RAPGEF1: variants seen among roughly 807,000 people sequenced by gnomAD.
RAPGEF1 encodes Rap guanine nucleotide exchange factor 1, also known as CRK SH3-binding GNRP.
RAPGEF1 carries 33 observed loss-of-function variants against 143.3 expected under a neutral mutation model. The observed-to-expected ratio is 0.23, with a 90% CI of 0.17 to 0.31. The LOEUF is 0.31. Ranked by LOEUF, RAPGEF1 falls within the 10% of genes least tolerant of loss-of-function variation. The pLI, the probability that RAPGEF1 is intolerant of heterozygous loss-of-function variation, is 1.00. For missense variants in RAPGEF1, 1,199 were observed against 1,645.4 expected, an observed-to-expected ratio of 0.73 and a Z score of 4.69; for synonymous variants, 629 against 676.5, an observed-to-expected ratio of 0.93 and a Z score of 1.09.
intron 11 of RAPGEF1, 28 bp from the exon 12 acceptor site, chr9:131,619,234 G>GGCAGGGAAGGAGGGAGAGAA: frequency 2.3e-6 from 3 of 1,293,524 alleles, no homozygotes; most frequent in Non-Finnish European, 3.1e-6. Context: ...GGAGAGAGAA[G>GGCAGGGAAGGAGGGAGAGAA]GCAGGGAAGG....
chr9:131,626,742 CT>C (rs1433889630), intron 9 of RAPGEF1, among the ~76,000 whole-genome samples: 1 of 152,126 alleles, frequency 6.6e-6, no homozygotes, highest in African/African-American at 2.4e-5. Flanking sequence ...TCTAACTGTA[CT>C]TTCTATTTAC....
chr9:131,590,844 G>C (rs1031858049), intron 18 of RAPGEF1, among the ~76,000 whole-genome samples: 46 of 152,268 alleles, frequency 3.0e-4, no homozygotes, highest in African/African-American at 1.1e-3. Flanking sequence ...GCAGCAGGGG[G>C]CAAGCAGCGT....
At chr9:131,626,829 G>A (rs906385771) in intron 9 of RAPGEF1, among the ~76,000 whole-genome samples, 3 of 152,158 alleles carry the variant, frequency 2.0e-5, no homozygotes, top group Non-Finnish European at 2.9e-5. Flanking sequence ...AGGGCCACGC[G>A]GTGGCTCACG....
chr9:131,724,107 G>C (rs72759885), intron 1 of RAPGEF1, among the ~76,000 whole-genome samples: 1 of 152,200 alleles, frequency 6.6e-6, no homozygotes, highest in South Asian at 2.1e-4. Flanking sequence ...TACTACTGCC[G>C]AGAGAAGACA....
At chr9:131,719,886 C>CTTTT (rs34813794) in intron 1 of RAPGEF1, among the ~76,000 whole-genome samples, 7 of 135,738 alleles carry the variant, frequency 5.2e-5, no homozygotes, top group East Asian at 2.1e-4. Context: ...TTCTTTCTTT[C>CTTTT]TTTTTTTTTT....
rs965736407 is a variant in RAPGEF1, at chr9:131,628,058, T to A, written c.1056A>T (p.Ser352=). Residue 352 remains serine (S), a synonymous_variant, in exon 9 of 27, where the codon TCA becomes TCT. Coordinates refer to ENST00000683357, the MANE Select transcript of RAPGEF1 (RefSeq NM_001377935.1). This position sits in a 1 kb window ranked among gnomAD's most constrained non-coding sequence, Gnocchi z 5.7. The part of the protein sequence containing the change: ...DVDCYAQRRL[S]GGSHSYGGES... ...CTCCACCATATGAGTGGCTGCCTCCTGACAGTCGCCTCTGTGCGTAACAGT... is the reference window on the plus strand; with the variant it reads ...CTCCACCATATGAGTGGCTGCCTCCAGACAGTCGCCTCTGTGCGTAACAGT... 5 of 1,570,824 alleles carry A rather than the reference T, an allele frequency of 3.2e-6. No individual in the cohort carries two copies. The highest frequency in any genetic ancestry group is 4.3e-6 in the Non-Finnish European group (5 of 1,158,384).
chr9:131,647,241 G>T (rs553502527), intron 3 of RAPGEF1, among the ~76,000 whole-genome samples: 13 of 152,272 alleles, frequency 8.5e-5, no homozygotes, highest in Middle Eastern at 6.8e-3. Context: ...AATCAGTCTG[G>T]GAAGACAACA....
chr9:131,671,898 T>C, intron 1 of RAPGEF1, among the ~76,000 whole-genome samples: 1 of 152,172 alleles, frequency 6.6e-6, no homozygotes, highest in South Asian at 2.1e-4. Flanking sequence ...GATGAAAACA[T>C]GAAACAGAAA....
At chr9:131,703,738 G>A (rs1293598199) in intron 1 of RAPGEF1, among the ~76,000 whole-genome samples, 1 of 152,224 alleles carries the variant, frequency 6.6e-6, no homozygotes, top group Non-Finnish European at 1.5e-5. Context: ...TGCTGTCTAA[G>A]CAGGTACTGA....
At chr9:131,705,217 C>T (rs754527694) in intron 1 of RAPGEF1, among the ~76,000 whole-genome samples, 7 of 152,162 alleles carry the variant, frequency 4.6e-5, no homozygotes, top group Non-Finnish European at 7.4e-5. Context: ...ATAAGCCTAC[C>T]CTTCTTCATA....
Position 131,655,279 on chromosome 9 carries a change from G to A in RAPGEF1, c.62-4330C>T, listed in dbSNP as rs1260899095. On this transcript the variant is annotated intron_variant, in intron 1 of 26. Coordinates refer to ENST00000683357, the MANE Select transcript of RAPGEF1 (RefSeq NM_001377935.1). The surrounding 1 kb of genome is among the most constrained non-coding windows in gnomAD (Gnocchi z 4.1). Reference sequence around the variant, plus strand: ...GGTCAAACCAAACAGCTTCACAGCTGTGTGATGGCCAGAGCTGCAGAAAGC... The same window carrying A: ...GGTCAAACCAAACAGCTTCACAGCTATGTGATGGCCAGAGCTGCAGAAAGC... 1.3e-5 allele frequency among the ~76,000 whole-genome samples: 2 copies of A among 152,250 alleles called. No homozygotes were observed. The highest frequency in any genetic ancestry group is 2.1e-4 in the South Asian group (1 of 4,834).
intron 16 of RAPGEF1, among the ~76,000 whole-genome samples, chr9:131,597,749 G>A (rs1029511002): frequency 2.6e-5 from 4 of 152,074 alleles, no homozygotes; most frequent in African/African-American, 9.7e-5. Flanking sequence ...GATGGGTCTT[G>A]CTGTGTTGCC....
intron 1 of RAPGEF1, among the ~76,000 whole-genome samples, chr9:131,676,464 A>G (rs571966871): frequency 2.0e-5 from 3 of 152,240 alleles, no homozygotes; most frequent in Non-Finnish European, 4.4e-5. Context: ...CAACTGCCAA[A>G]CAATGAGAAA....
chr9:131,739,610 A>C (rs962637290), intron 1 of RAPGEF1, among the ~76,000 whole-genome samples, 160 bp downstream of exon 1: 2 of 148,340 alleles, frequency 1.3e-5, no homozygotes, highest in African/African-American at 2.5e-5. Flanking sequence ...ATGGGCCTGG[A>C]GGAGAAGCTG....
chr9:131,608,959 G>A (rs1437763993), intron 12 of RAPGEF1, among the ~76,000 whole-genome samples: 4 of 152,308 alleles, frequency 2.6e-5, no homozygotes, highest in Middle Eastern at 3.4e-3. Flanking sequence ...GATCTGGCTC[G>A]TGCCCGGGTT....
intron 1 of RAPGEF1, among the ~76,000 whole-genome samples, chr9:131,719,553 CTTT>C (rs34413859): frequency 2.8e-5 from 2 of 72,396 alleles, no homozygotes; most frequent in East Asian, 4.6e-4. Flanking sequence ...CCCTTCAGGG[CTTT>C]TTTTTTTTTT....
At chr9:131,698,333 A>C (rs1309644303) in intron 1 of RAPGEF1, among the ~76,000 whole-genome samples, 1 of 152,236 alleles carries the variant, frequency 6.6e-6, no homozygotes, top group Non-Finnish European at 1.5e-5. Context: ...TTGACGTCAG[A>C]GACCAGTTTA....
In RAPGEF1 at chr9:131,619,353, C is replaced by T. The variant is rs188519374; in HGVS notation, c.1906-147G>A. The T allele has an allele frequency of 2.7e-4, 181 of 666,594 alleles. 1 individual carries two copies. In the African/African-American group the frequency reaches 2.8e-3, roughly 10 times the overall value. 41.3% of individuals were successfully genotyped at this position (666,594 alleles called of 1,614,324 possible). On this transcript the variant is annotated intron_variant, in intron 11 of 26. Coordinates refer to ENST00000683357, the MANE Select transcript of RAPGEF1 (RefSeq NM_001377935.1). The stretch of plus-strand genomic sequence containing the variant: ...AGAGGGATGGCTTCTGGGCCCAGTT[C>T]AGGGACTAAAACCAGCTGCCGAAGG...
intron 1 of RAPGEF1, among the ~76,000 whole-genome samples, chr9:131,712,492 A>G (rs1431744991): frequency 2.6e-5 from 4 of 151,348 alleles, no homozygotes; most frequent in Non-Finnish European, 4.4e-5. Flanking sequence ...CCACTTCCCC[A>G]CTCCTTAGCT....
Sources: allele counts gnomAD v4.1 joint callset (sites outside exome capture counted in the v4.1 genomes callset), GRCh38; gene constraint gnomAD v4.1.1; non-coding constraint Gnocchi (gnomAD v3.1); transcripts MANE v1.5; gene names NCBI Gene and HGNC (gene_info 2026-07-23, HGNC 2026-07-21).